IL36B: variants seen among roughly 807,000 people sequenced by gnomAD.
The protein encoded by IL36B is interleukin-36 beta.
A neutral mutation model predicts 19.3 loss-of-function variants in IL36B; 23 were observed. That is an observed-to-expected ratio of 1.19 (90% CI 0.86 to 1.69). The LOEUF (loss-of-function observed/expected upper bound fraction) is 1.69, where lower values mean the gene tolerates loss of function less well. IL36B is among the 40% of genes most tolerant of loss of function. IL36B has a pLI of 0.00. For synonymous variants in IL36B, 59 were observed against 59.7 expected, an observed-to-expected ratio of 0.99 and a Z score of 0.05; for missense variants, 217 against 200.5, an observed-to-expected ratio of 1.08 and a Z score of -0.50.
At chr2:113,046,976 G>A (rs1056803393) in intron 1 of IL36B, among the ~76,000 whole-genome samples, 1 of 152,106 alleles carries the variant, frequency 6.6e-6, no homozygotes, top group African/African-American at 2.4e-5. Flanking sequence ...TAAATAATTT[G>A]GAATTATTTT....
In IL36B at chr2:113,027,428, A is replaced by G; in HGVS notation, c.262-1196T>C. On this transcript the variant is annotated intron_variant, in intron 4 of 5. Transcript: ENST00000259213. ...AAATTATTAACGAATGACATTAAGAATTCATTAGGATTAGAAAGACATGCA... is the reference window on the plus strand; with the variant it reads ...AAATTATTAACGAATGACATTAAGAGTTCATTAGGATTAGAAAGACATGCA... 1.0e-6 allele frequency: 1 copy of G among 986,984 alleles called. No individual in the cohort carries two copies. The highest frequency in any genetic ancestry group is 1.2e-6 in the Non-Finnish European group (1 of 822,502). The allele number at this position is 986,984 out of a possible 1,614,324, so 61.1% of individuals were successfully genotyped here.
At chr2:113,024,863 C>G (rs572853449) in intron 5 of IL36B, among the ~76,000 whole-genome samples, 1 of 152,330 alleles carries the variant, frequency 6.6e-6, no homozygotes, top group East Asian at 1.9e-4. Context: ...CAGCCCTTCT[C>G]AGAAAACCTA....
At chr2:113,050,897 G>C (rs1415412802) in intron 1 of IL36B, among the ~76,000 whole-genome samples, 7 of 152,332 alleles carry the variant, frequency 4.6e-5, no homozygotes, top group Admixed American at 3.9e-4. Context: ...GCAGATCCTT[G>C]TGGAAAGAGA....
chr2:113,041,437 A>C (rs1345835841), intron 1 of IL36B, among the ~76,000 whole-genome samples: 1 of 152,202 alleles, frequency 6.6e-6, no homozygotes, highest in Non-Finnish European at 1.5e-5. Context: ...CATAATACTG[A>C]AAATTTAATC....
chr2:113,022,546 C>G lies in IL36B; in HGVS notation c.*128G>C. On this transcript the variant is annotated 3_prime_UTR_variant, in exon 6 of 6. Transcript: ENST00000259213. ...CAACTCTTTAAAAATACATAGTGTC[C>G]TTGTTTTACAAACTCTCCAGAACCC... 1.6e-6 allele frequency: 1 copy of G among 621,328 alleles called. No individual in the cohort carries two copies. The highest frequency in any genetic ancestry group is 2.9e-6 in the Non-Finnish European group (1 of 348,666). The allele number at this position is 621,328 out of a possible 1,614,324, so 38.5% of individuals were successfully genotyped here. A position where few individuals can be genotyped will look rare whatever the true frequency, so the allele number is the denominator to read the frequency against.
intron 4 of IL36B, chr2:113,027,863 T>G: frequency 6.2e-7 from 1 of 1,609,622 alleles, no homozygotes; most frequent in Non-Finnish European, 8.5e-7. Context: ...ACAGCTTGAT[T>G]CTCTATCCTG....
intron 1 of IL36B, among the ~76,000 whole-genome samples, chr2:113,032,133 CTGTGTGTGTGTG>C (rs56385654): frequency 2.3e-4 from 33 of 144,014 alleles, no homozygotes; most frequent in African/African-American, 7.1e-4. Context: ...GTGTGTGTGT[CTGTGTGTGTGTG>C]TGTGTGTGTG....
intron 1 of IL36B, among the ~76,000 whole-genome samples, chr2:113,047,909 A>C (rs1336574501): frequency 6.6e-6 from 1 of 152,174 alleles, no homozygotes; most frequent in Non-Finnish European, 1.5e-5. Context: ...TGGAATAATA[A>C]AAAATGTTAA....
intron 1 of IL36B, among the ~76,000 whole-genome samples, chr2:113,044,313 T>C (rs1685311607): frequency 6.7e-6 from 1 of 149,130 alleles, no homozygotes; most frequent in Non-Finnish European, 1.5e-5. Flanking sequence ...TGTGTGAATT[T>C]AGAAACATTG....
rs970104430 is a variant in IL36B, at chr2:113,036,010, T to G, written c.-57-4244A>C. Among the ~76,000 whole-genome samples the G allele has an allele frequency of 5.9e-5, 9 of 152,226 alleles. No homozygotes were observed. The South Asian group carries it at 1.2e-3, about 21-fold the overall frequency. ...CAGGCTGGAATGCAGTGGCGCGATC[T>G]TGGCTCACTGAAACCTCCGCCCCAC... On this transcript the variant is annotated intron_variant, in intron 1 of 5. Transcript: ENST00000259213.
chr2:113,047,168 G>A (rs532541175), intron 1 of IL36B, among the ~76,000 whole-genome samples: 1 of 152,230 alleles, frequency 6.6e-6, no homozygotes, highest in African/African-American at 2.4e-5. Flanking sequence ...ACCAATCACT[G>A]TGGATTTTTT....
Position 113,022,641 on chromosome 2 carries a change from A to T in IL36B, c.*33T>A. On this transcript the variant is annotated 3_prime_UTR_variant, in exon 6 of 6. Coordinates refer to ENST00000259213, the MANE Select transcript of IL36B (RefSeq NM_014438.5). Reference sequence around the variant, plus strand: ...TCATTGATAGCAAACCCACTCAAAGATTGTAGAGATGGGAATCTTCCTCCC... The same window carrying T: ...TCATTGATAGCAAACCCACTCAAAGTTTGTAGAGATGGGAATCTTCCTCCC... The T allele has an allele frequency of 7.5e-7, 1 of 1,341,936 alleles. No individual in the cohort carries two copies. Among genetic ancestry groups the T allele is most frequent in the Non-Finnish European group, 1.1e-6 (1 of 932,582 alleles). The allele number at this position is 1,341,936 out of a possible 1,614,324, so 83.1% of individuals were successfully genotyped here. A position where few individuals can be genotyped will look rare whatever the true frequency, so the allele number is the denominator to read the frequency against.
At chr2:113,032,169 G>A (rs1685089131) in intron 1 of IL36B, among the ~76,000 whole-genome samples, 3 of 147,798 alleles carry the variant, frequency 2.0e-5, no homozygotes, top group Non-Finnish European at 3.0e-5. Context: ...GTGTGTGTGT[G>A]TATCTCCATT....
At chr2:113,025,183 G>A (rs992967088) in intron 5 of IL36B, among the ~76,000 whole-genome samples, 1 of 152,178 alleles carries the variant, frequency 6.6e-6, no homozygotes, top group African/African-American at 2.4e-5. Flanking sequence ...GGATGCCCTT[G>A]TATCATCACA....
chr2:113,037,706 C>A, intron 1 of IL36B, among the ~76,000 whole-genome samples: 1 of 151,560 alleles, frequency 6.6e-6, no homozygotes, highest in South Asian at 2.1e-4. Flanking sequence ...AGTCTTTATA[C>A]CATAATATGA....
chr2:113,051,076 C>T (rs996678049), intron 1 of IL36B, among the ~76,000 whole-genome samples: 2 of 152,184 alleles, frequency 1.3e-5, no homozygotes, highest in African/African-American at 2.4e-5. Context: ...TGCCTCTCAT[C>T]GTGGCCTCCC....
chr2:113,046,200 GGTTTTTTCTTTTTTT>G (rs1325802823), intron 1 of IL36B, among the ~76,000 whole-genome samples: 2 of 86,072 alleles, frequency 2.3e-5, no homozygotes, highest in African/African-American at 8.7e-5. Context: ...GGTTTCTTCA[GGTTTTTTCTTTTTTT>G]TTTTTTTTTT....
chr2:113,034,306 C>G (rs1685128790), intron 1 of IL36B, among the ~76,000 whole-genome samples: 1 of 152,184 alleles, frequency 6.6e-6, no homozygotes, highest in Admixed American at 6.5e-5. Context: ...CCCAGGTCAA[C>G]AAGTGGTCCA....
chr2:113,052,709 G>T (rs1992761), intron 1 of IL36B, 108 bp downstream of exon 1: 2 of 152,182 alleles, frequency 1.3e-5, no homozygotes, highest in Non-Finnish European at 2.9e-5. Flanking sequence ...TTCTCTCTGC[G>T]TTGGGAAAGC....
Sources: gnomAD v4.1 joint callset for allele counts (sites outside exome capture counted in the v4.1 genomes callset) on GRCh38, gnomAD v4.1.1 for gene constraint, MANE v1.5 for transcripts, NCBI Gene and HGNC (gene_info 2026-07-23, HGNC 2026-07-21) for gene names.